Variants in ARHGAP32 observed in about 807,000 individuals in gnomAD.
The protein encoded by ARHGAP32 is Rho GTPase activating protein 32.
In ARHGAP32, 51 loss-of-function variants were observed where a neutral mutation model predicts 186.5. That is an observed-to-expected ratio of 0.27 (90% CI 0.22 to 0.35). ARHGAP32 has a LOEUF of 0.35. Ranked by LOEUF, ARHGAP32 falls within the 10% of genes least tolerant of loss-of-function variation. The pLI is 1.00. For missense variants in ARHGAP32, 2,186 were observed against 2,623.5 expected (o/e 0.83, Z 3.64); for synonymous variants, 950 against 964.3 (o/e 0.99, Z 0.27).
At chr11:128,975,839 A>G (rs1018284286) in intron 20 of ARHGAP32, among the ~76,000 whole-genome samples, 2 of 152,186 alleles carry the variant, frequency 1.3e-5, no homozygotes, top group Non-Finnish European at 2.9e-5. Flanking sequence ...ACCTGAGGTC[A>G]GGAGTTCGAG....
chr11:128,974,094 A>AC, intron 21 of ARHGAP32, 30 bp downstream of exon 21: 1 of 1,606,400 alleles, frequency 6.2e-7, no homozygotes, highest in Non-Finnish European at 8.5e-7. Flanking sequence ...CTCTTAACTT[A>AC]AAGAAAGAAT....
At chr11:128,987,618 T>C (rs925017046) in intron 13 of ARHGAP32, among the ~76,000 whole-genome samples, 2 of 152,186 alleles carry the variant, frequency 1.3e-5, no homozygotes, top group South Asian at 4.1e-4. Context: ...GTGAAATATG[T>C]AGAGATGCAT....
At chr11:129,219,704 A>T (rs1170711188) in intron 1 of ARHGAP32, among the ~76,000 whole-genome samples, 2 of 152,208 alleles carry the variant, frequency 1.3e-5, no homozygotes, top group Non-Finnish European at 2.9e-5. Context: ...CTATGCATAA[A>T]GATAAGCACT....
intron 1 of ARHGAP32, among the ~76,000 whole-genome samples, chr11:129,221,462 C>G (rs1324460170): frequency 6.8e-6 from 1 of 147,428 alleles, no homozygotes; most frequent in Non-Finnish European, 1.5e-5. Flanking sequence ...TCGAAACAAG[C>G]TTTGTAATTG....
chr11:129,131,843 AC>A (rs1311856733), intron 2 of ARHGAP32, among the ~76,000 whole-genome samples: 2 of 152,144 alleles, frequency 1.3e-5, no homozygotes, highest in African/African-American at 2.4e-5. Context: ...TGTGGGGATA[AC>A]CCTTGGTATT....
At chr11:129,216,833 G>T (rs1357840751) in intron 1 of ARHGAP32, among the ~76,000 whole-genome samples, 4 of 151,598 alleles carry the variant, frequency 2.6e-5, no homozygotes, top group Admixed American at 6.6e-5. Context: ...GTTTTTATAA[G>T]TTTTTTTCTA....
intron 11 of ARHGAP32, among the ~76,000 whole-genome samples, chr11:129,005,251 T>C (rs191494760): frequency 6.6e-6 from 1 of 152,276 alleles, no homozygotes; most frequent in African/African-American, 2.4e-5. Context: ...TATTATTTTT[T>C]ATTGGTTTAT....
At chr11:129,048,913 C>A (rs1939923912) in intron 10 of ARHGAP32, among the ~76,000 whole-genome samples, 1 of 151,920 alleles carries the variant, frequency 6.6e-6, no homozygotes, top group African/African-American at 2.4e-5. Context: ...TAGAAAAAAG[C>A]AACTTGTGTA....
chr11:128,986,632 C>T lies in ARHGAP32; in HGVS notation c.1335G>A (p.Thr445=), dbSNP rs1945878381. 4 of 1,613,890 alleles carry T rather than the reference C, an allele frequency of 2.5e-6. No individual in the cohort carries two copies. The highest frequency in any genetic ancestry group is 1.3e-5 in the African/African-American group (1 of 74,920). ...EFDSEHVPDL[T]KEPYVQDIHS... is the part of the protein sequence containing the mutation. ...GGATGTCCTGAACATACGGTTCTTT[C>T]GTCAGGTCGGGGACGTGCTCAGAGT... Residue 445 remains threonine, a synonymous_variant, in exon 14 of 23, where the codon ACG becomes ACA. Transcript: ENST00000682385.
chr11:129,237,770 G>A (rs563965200), intron 1 of ARHGAP32, among the ~76,000 whole-genome samples: 1 of 152,188 alleles, frequency 6.6e-6, no homozygotes, highest in Non-Finnish European at 1.5e-5. Flanking sequence ...AAGAACCCCT[G>A]AAATGAGGAG....
At position 128,969,577 on chromosome 11, in the gene ARHGAP32, C is replaced by T; in HGVS notation, c.5636G>A (p.Arg1879Lys). Residue 1879 changes from arginine to lysine, a missense_variant, in exon 23 of 23, where the codon AGG becomes AAG. Around this residue, in one of 5 missense-constraint regions of ARHGAP32, gnomAD observed 1,502 missense variants for 1,570.0 expected, o/e 0.96. Transcript: ENST00000682385. This position sits in a 1 kb window ranked among gnomAD's most constrained non-coding sequence, Gnocchi z 4.8. ...LPQKQSSLRS[R>K]KLPDMGCSLP... ...ACTGCAGCCCATGTCAGGAAGCTTC[C>T]TGCTCCTCAGGCTGCTCTGCTTCTG... The T allele has an allele frequency of 6.2e-7, 1 of 1,614,174 alleles. No homozygotes were observed. Among genetic ancestry groups the T allele is most frequent in the Non-Finnish European group, 8.5e-7 (1 of 1,180,048 alleles).
chr11:128,999,099 C>T (rs1371486762), intron 11 of ARHGAP32, among the ~76,000 whole-genome samples: 3 of 152,186 alleles, frequency 2.0e-5, no homozygotes, highest in Admixed American at 2.0e-4. Context: ...CCGGGCAGAA[C>T]AGAGTCATAT....
At chr11:129,000,766 C>G (rs765297770) in intron 11 of ARHGAP32, among the ~76,000 whole-genome samples, 1 of 152,100 alleles carries the variant, frequency 6.6e-6, no homozygotes, top group Non-Finnish European at 1.5e-5. Flanking sequence ...CCCACCCCCC[C>G]ACCATTGGCT....
intron 10 of ARHGAP32, among the ~76,000 whole-genome samples, chr11:129,047,705 C>T (rs1339264613): frequency 6.6e-6 from 1 of 152,130 alleles, no homozygotes; most frequent in African/African-American, 2.4e-5. Context: ...TTTCTCCCCA[C>T]TCCCGAAACA....
chr11:129,163,115 T>A (rs545030010), intron 2 of ARHGAP32, among the ~76,000 whole-genome samples: 1 of 152,344 alleles, frequency 6.6e-6, no homozygotes, highest in South Asian at 2.1e-4. Flanking sequence ...AACAGAATTC[T>A]ATAAATGCCT....
intron 11 of ARHGAP32, among the ~76,000 whole-genome samples, chr11:129,022,842 T>C (rs534908592): frequency 7.6e-4 from 115 of 152,256 alleles, no homozygotes; most frequent in Middle Eastern, 3.4e-3. Flanking sequence ...TTTTCTTAAA[T>C]ATAAACTTAA....
chr11:128,968,242 G>C lies in ARHGAP32; in HGVS notation c.*665C>G, dbSNP rs1363512822. The C allele has an allele frequency of 1.3e-5, 2 of 152,138 alleles. No homozygotes were observed. The highest frequency in any genetic ancestry group is 4.8e-5 in the African/African-American group (2 of 41,428). 9.4% of individuals were successfully genotyped at this position (152,138 alleles called of 1,614,324 possible). On this transcript the variant is annotated 3_prime_UTR_variant, in exon 23 of 23. Coordinates refer to ENST00000682385, the MANE Select transcript of ARHGAP32 (RefSeq NM_001378024.1). ...AGGATGAAAAATAAGAATAGAAAGA[G>C]TATGGTTCAGCCTGAGTCTAAGTGG...
chr11:129,178,624 T>C (rs1373549984), intron 1 of ARHGAP32, among the ~76,000 whole-genome samples: 2 of 151,882 alleles, frequency 1.3e-5, no homozygotes, highest in Non-Finnish European at 2.9e-5. Context: ...AACAGAGCCC[T>C]CAGAAATAAT....
intron 1 of ARHGAP32, among the ~76,000 whole-genome samples, chr11:129,252,325 T>C (rs549329100): frequency 2.6e-5 from 4 of 152,188 alleles, no homozygotes; most frequent in Non-Finnish European, 5.9e-5. Flanking sequence ...AATTAATAGA[T>C]GGTACTTGTG....
Sources: allele counts gnomAD v4.1 joint callset (sites outside exome capture counted in the v4.1 genomes callset), GRCh38; gene constraint gnomAD v4.1.1; regional missense constraint gnomAD v4.1.1; non-coding constraint Gnocchi (gnomAD v3.1); transcripts MANE v1.5; gene names NCBI Gene and HGNC (gene_info 2026-07-23, HGNC 2026-07-21).